PAPSS1: variants seen among roughly 807,000 people sequenced by gnomAD.
PAPSS1 encodes 3'-phosphoadenosine 5'-phosphosulfate synthase 1.
PAPSS1 carries 50 observed loss-of-function variants against 72.0 expected under a neutral mutation model. The observed-to-expected ratio is 0.69, with a 90% CI of 0.55 to 0.88. The LOEUF is 0.88. PAPSS1 is among the 40% of genes least tolerant of loss of function. The pLI, the probability that PAPSS1 is intolerant of heterozygous loss-of-function variation, is 0.00. For missense variants in PAPSS1, 657 were observed against 782.2 expected (o/e 0.84, Z 1.91); for synonymous variants, 261 against 263.6 (o/e 0.99, Z 0.09).
intron 9 of PAPSS1, among the ~76,000 whole-genome samples, chr4:107,652,531 A>T (rs1039375983): frequency 6.6e-6 from 1 of 152,126 alleles, no homozygotes; most frequent in South Asian, 2.1e-4. Flanking sequence ...CTCTTAAATA[A>T]CTTTTTCTGT....
chr4:107,667,541 T>G (rs932318187), intron 5 of PAPSS1, among the ~76,000 whole-genome samples: 17 of 152,048 alleles, frequency 1.1e-4, no homozygotes, highest in African/African-American at 2.4e-5. Context: ...CTGAACTAAC[T>G]CCACATAGCT....
chr4:107,679,232 C>G (rs1727737601), intron 5 of PAPSS1, among the ~76,000 whole-genome samples: 1 of 152,022 alleles, frequency 6.6e-6, no homozygotes, highest in Non-Finnish European at 1.5e-5. Flanking sequence ...TAAGCCACAG[C>G]AGTATGCTGC....
At chr4:107,639,210 A>G (rs1391655920) in intron 10 of PAPSS1, among the ~76,000 whole-genome samples, 2 of 152,172 alleles carry the variant, frequency 1.3e-5, no homozygotes, top group Admixed American at 6.5e-5. Context: ...ACCTATAAAC[A>G]CCTGCAAAAT....
chr4:107,619,360 C>T (rs1725900402), intron 11 of PAPSS1, among the ~76,000 whole-genome samples: 1 of 152,158 alleles, frequency 6.6e-6, no homozygotes, highest in Non-Finnish European at 1.5e-5. Flanking sequence ...TGGGAGTTTC[C>T]ACTTCCACAT....
intron 7 of PAPSS1, 102 bp downstream of exon 7, chr4:107,656,794 T>A: frequency 1.3e-6 from 1 of 777,660 alleles, no homozygotes; most frequent in Non-Finnish European, 2.3e-6. Flanking sequence ...GCTACCTCTA[T>A]TAAGACGTTA....
chr4:107,635,104 A>G (rs1474886408), intron 10 of PAPSS1, among the ~76,000 whole-genome samples: 1 of 152,116 alleles, frequency 6.6e-6, no homozygotes, highest in Admixed American at 6.5e-5. Context: ...GGCCTATTCT[A>G]GACATATTTT....
chr4:107,648,455 A>G (rs1020092511), intron 9 of PAPSS1, among the ~76,000 whole-genome samples: 2 of 152,204 alleles, frequency 1.3e-5, no homozygotes, highest in African/African-American at 4.8e-5. Context: ...CAGTGCTTCT[A>G]AATCCTAGTC....
intron 1 of PAPSS1, among the ~76,000 whole-genome samples, chr4:107,705,313 G>C (rs1723313568): frequency 6.6e-6 from 1 of 152,228 alleles, no homozygotes; most frequent in Admixed American, 6.5e-5. Flanking sequence ...CATGGTAGGA[G>C]GTGATCAGAT....
chr4:107,621,454 T>C (rs1399488830), intron 11 of PAPSS1, among the ~76,000 whole-genome samples: 2 of 152,060 alleles, frequency 1.3e-5, no homozygotes, highest in Non-Finnish European at 2.9e-5. Context: ...TCTTTTTAAA[T>C]GCTCTCGTAA....
chr4:107,705,580 G>A (rs1336073762), intron 1 of PAPSS1, among the ~76,000 whole-genome samples: 1 of 152,192 alleles, frequency 6.6e-6, no homozygotes, highest in East Asian at 1.9e-4. Flanking sequence ...GTGTGAAAAC[G>A]AACTAATACA....
At chr4:107,670,570 A>T (rs1727442285) in intron 5 of PAPSS1, among the ~76,000 whole-genome samples, 1 of 152,140 alleles carries the variant, frequency 6.6e-6, no homozygotes, top group East Asian at 1.9e-4. Flanking sequence ...ACAGGGTCTC[A>T]CTCTGTCATC....
chr4:107,630,229 TTTTTTA>T (rs1438096357), intron 11 of PAPSS1, among the ~76,000 whole-genome samples: 4 of 152,232 alleles, frequency 2.6e-5, no homozygotes, highest in African/African-American at 9.6e-5. Flanking sequence ...AAAGTTTACA[TTTTTTA>T]TTTTTATGTT....
At chr4:107,667,439 G>T (rs1727349814) in intron 5 of PAPSS1, among the ~76,000 whole-genome samples, 1 of 152,184 alleles carries the variant, frequency 6.6e-6, no homozygotes, top group Non-Finnish European at 1.5e-5. Context: ...TTTATAATCA[G>T]CCAGGCAAGA....
At chr4:107,672,505 C>A (rs942025258) in intron 5 of PAPSS1, among the ~76,000 whole-genome samples, 1 of 152,160 alleles carries the variant, frequency 6.6e-6, no homozygotes, top group Non-Finnish European at 1.5e-5. Flanking sequence ...TGCAAGGTGG[C>A]AGTGAGGCTG....
chr4:107,665,700 G>T (rs1361645178), intron 5 of PAPSS1, among the ~76,000 whole-genome samples: 2 of 152,106 alleles, frequency 1.3e-5, no homozygotes, highest in African/African-American at 2.4e-5. Context: ...TAAGTCTAGA[G>T]ATATTATAAA....
chr4:107,683,658 A>G (rs1415671812), intron 4 of PAPSS1, among the ~76,000 whole-genome samples: 1 of 152,216 alleles, frequency 6.6e-6, no homozygotes, highest in East Asian at 1.9e-4. Flanking sequence ...GAAAAAACAT[A>G]TTTAAGCAGG....
intron 11 of PAPSS1, among the ~76,000 whole-genome samples, chr4:107,622,756 A>G (rs1725998109): frequency 1.3e-5 from 2 of 152,376 alleles, no homozygotes; most frequent in Non-Finnish European, 2.9e-5. Flanking sequence ...GCTGTTACAG[A>G]AAATTTAAAT....
At chr4:107,648,534 C>T (rs1425357413) in intron 9 of PAPSS1, among the ~76,000 whole-genome samples, 1 of 152,190 alleles carries the variant, frequency 6.6e-6, no homozygotes, top group Non-Finnish European at 1.5e-5. Flanking sequence ...AGTATCCACC[C>T]CAACCACTGA....
chr4:107,669,068 G>A (rs1578409759), intron 5 of PAPSS1, among the ~76,000 whole-genome samples: 2 of 152,194 alleles, frequency 1.3e-5, no homozygotes. Context: ...ATTGTACTAT[G>A]TGTCCTCCCA....
Sources: allele counts gnomAD v4.1 joint callset (sites outside exome capture counted in the v4.1 genomes callset), GRCh38; gene constraint gnomAD v4.1.1; transcripts MANE v1.5; gene names NCBI Gene and HGNC (gene_info 2026-07-23, HGNC 2026-07-21).